MIR2052HG: variants seen among roughly 807,000 people sequenced by gnomAD.
The protein encoded by MIR2052HG is MIR2052 host gene.
At chr8:74,706,818 T>C (rs1021991880) in intron 4 of MIR2052HG, among the ~76,000 whole-genome samples, 1 of 151,848 alleles carries the variant, frequency 6.6e-6, no homozygotes, top group African/African-American at 2.4e-5. Flanking sequence ...TCTCAGAAAA[T>C]TTTTTTTCAC....
intron 2 of MIR2052HG, among the ~76,000 whole-genome samples, chr8:74,676,997 A>T (rs1181006572): frequency 6.6e-6 from 1 of 152,106 alleles, no homozygotes; most frequent in East Asian, 1.9e-4. Context: ...AACACTTAAA[A>T]GATAACTTGA....
At chr8:74,749,848 C>CAAAAAAAA (rs10628806) in intron 4 of MIR2052HG, among the ~76,000 whole-genome samples, 1 of 107,798 alleles carries the variant, frequency 9.3e-6, no homozygotes, top group African/African-American at 3.6e-5. Flanking sequence ...GACTCCATCT[C>CAAAAAAAA]AAAAAAAAAA....
chr8:74,747,594 A>T (rs928497884), intron 4 of MIR2052HG, among the ~76,000 whole-genome samples: 1 of 152,154 alleles, frequency 6.6e-6, no homozygotes, highest in Admixed American at 6.5e-5. Flanking sequence ...TTGGCCTATC[A>T]TTTCTCTTTA....
intron 4 of MIR2052HG, among the ~76,000 whole-genome samples, chr8:74,720,365 G>A (rs1809563449): frequency 6.6e-6 from 1 of 152,112 alleles, no homozygotes; most frequent in Non-Finnish European, 1.5e-5. Context: ...TATCTCTCTT[G>A]TGACACTTTG....
chr8:74,719,849 C>CTTT (rs10647233), intron 4 of MIR2052HG, among the ~76,000 whole-genome samples: 21,156 of 106,584 alleles, frequency 0.2, 2,854 homozygotes, highest in East Asian at 0.57. Context: ...TTTCTTTTTT[C>CTTT]TTTTTTTTTT....
intron 5 of MIR2052HG, among the ~76,000 whole-genome samples, chr8:74,754,298 AT>A (rs1809977600): frequency 6.6e-6 from 1 of 152,196 alleles, no homozygotes; most frequent in Non-Finnish European, 1.5e-5. Context: ...GCAGCATTTA[AT>A]AGTATTGATT....
chr8:74,680,713 G>A (rs1809113478), intron 2 of MIR2052HG, among the ~76,000 whole-genome samples: 2 of 152,086 alleles, frequency 1.3e-5, no homozygotes, highest in African/African-American at 2.4e-5. Flanking sequence ...CCATTACTGG[G>A]TATATACTCA....
At chr8:74,636,642 G>T (rs1808584595) in intron 2 of MIR2052HG, among the ~76,000 whole-genome samples, 1 of 151,820 alleles carries the variant, frequency 6.6e-6, no homozygotes, top group South Asian at 2.1e-4. Flanking sequence ...GGTGTTTTGT[G>T]GTCCATAAAT....
At chr8:74,602,104 G>A (rs1808008659) in intron 1 of MIR2052HG, among the ~76,000 whole-genome samples, 1 of 152,180 alleles carries the variant, frequency 6.6e-6, no homozygotes, top group African/African-American at 2.4e-5. Flanking sequence ...GTCACAGAAT[G>A]AGGTAGGAGG....
intron 1 of MIR2052HG, among the ~76,000 whole-genome samples, chr8:74,610,602 C>A (rs987346037): frequency 6.6e-6 from 1 of 151,166 alleles, no homozygotes; most frequent in African/African-American, 2.4e-5. Context: ...CTTCAAAAAC[C>A]TTTATAAAGC....
chr8:74,693,847 C>A (rs1809267939), intron 2 of MIR2052HG, among the ~76,000 whole-genome samples: 1 of 152,146 alleles, frequency 6.6e-6, no homozygotes, highest in Non-Finnish European at 1.5e-5. Flanking sequence ...CACCTCTAAA[C>A]CTGCCCCCAC....
At chr8:74,674,037 AT>A (rs1402763673) in intron 2 of MIR2052HG, among the ~76,000 whole-genome samples, 1 of 151,402 alleles carries the variant, frequency 6.6e-6, no homozygotes, top group African/African-American at 2.4e-5. Context: ...CTCCATGCAA[AT>A]ATAATTAATA....
At chr8:74,661,782 C>T (rs1184251211) in intron 2 of MIR2052HG, among the ~76,000 whole-genome samples, 2 of 152,102 alleles carry the variant, frequency 1.3e-5, no homozygotes, top group Admixed American at 1.3e-4. Context: ...GACTGAGAAA[C>T]AGAGCTAGGT....
At chr8:74,672,760 G>C (rs1809006612) in intron 2 of MIR2052HG, among the ~76,000 whole-genome samples, 1 of 151,916 alleles carries the variant, frequency 6.6e-6, no homozygotes, top group South Asian at 2.1e-4. Flanking sequence ...TATTATTTCT[G>C]CTGTTTTATT....
At chr8:74,705,921 A>T (rs1809406367) in intron 4 of MIR2052HG, among the ~76,000 whole-genome samples, 2 of 152,128 alleles carry the variant, frequency 1.3e-5, no homozygotes, top group Non-Finnish European at 2.9e-5. Flanking sequence ...TATGCTGTTT[A>T]TATCCCTACA....
intron 2 of MIR2052HG, among the ~76,000 whole-genome samples, chr8:74,662,273 G>A (rs1279190109): frequency 6.6e-6 from 1 of 152,104 alleles, no homozygotes; most frequent in Non-Finnish European, 1.5e-5. Flanking sequence ...CTTCACTTTT[G>A]TAAATGTATT....
chr8:74,611,630 TATATA>T (rs1808197014), intron 1 of MIR2052HG, among the ~76,000 whole-genome samples: 3 of 152,316 alleles, frequency 2.0e-5, no homozygotes, highest in African/African-American at 7.2e-5. Context: ...CAAGGAGAAT[TATATA>T]ATACATAATA....
chr8:74,602,827 T>C (rs972505228), intron 1 of MIR2052HG, among the ~76,000 whole-genome samples: 1 of 129,796 alleles, frequency 7.7e-6, no homozygotes, highest in East Asian at 2.3e-4. Flanking sequence ...GTTTCTTTCT[T>C]TCTTTCTTTC....
chr8:74,604,175 C>A (rs1808072225), intron 1 of MIR2052HG: 2 of 897,852 alleles, frequency 2.2e-6, no homozygotes, highest in Non-Finnish European at 3.8e-6. Context: ...CTGCCAACTT[C>A]CTTTCCATGC....
Sources: allele counts gnomAD v4.1 joint callset (sites outside exome capture counted in the v4.1 genomes callset), GRCh38; gene constraint gnomAD v4.1.1; transcripts MANE v1.5; gene names NCBI Gene and HGNC (gene_info 2026-07-23, HGNC 2026-07-21).